The following BMS1 variants were observed in gnomAD, a reference collection of about 807,000 sequenced individuals.
The protein encoded by BMS1 is BMS1 ribosome biogenesis factor.
BMS1 carries 53 observed loss-of-function variants against 138.7 expected under a neutral mutation model. The observed-to-expected ratio is 0.38, with a 90% CI of 0.31 to 0.48. The LOEUF is 0.48. Among genes scored for constraint, BMS1 ranks in the 20% least tolerant of loss-of-function variants. The probability of loss-of-function intolerance (pLI) is 0.97; values close to 1 mark genes in which losing one functional copy is unlikely to be tolerated. For missense variants in BMS1, 1,360 were observed against 1,565.5 expected, an observed-to-expected ratio of 0.87 and a Z score of 2.22; for synonymous variants, 504 against 539.9, an observed-to-expected ratio of 0.93 and a Z score of 0.92.
chr10:42,792,656 T>G (rs929602447), intron 7 of BMS1, 42 bp downstream of exon 7: 2 of 1,574,932 alleles, frequency 1.3e-6, no homozygotes, highest in African/African-American at 2.7e-5. Flanking sequence ...ACACATAGGA[T>G]TCTTGGGATG....
In BMS1 at chr10:42,820,485, A is replaced by T. The variant is rs569866338; in HGVS notation, c.2770-23A>T. 5 of 1,611,478 alleles carry T rather than the reference A, an allele frequency of 3.1e-6. No individual in the cohort carries two copies. The Admixed American group carries it at 5.0e-5, about 16-fold the overall frequency. On this transcript the variant is annotated intron_variant, in intron 16 of 22. Coordinates refer to ENST00000374518, the MANE Select transcript of BMS1 (RefSeq NM_014753.4). ...TCTGTGGATTTCCCCTCCATCAATC[A>T]TCTTACCCTCTCGTCCCCTCAGATG...
rs991063444 is a variant in BMS1, at chr10:42,832,398, C to G, written c.*1302C>G. ...CATGATAGCACCACTGCACTCCAGC[C>G]TGGGCGACAGGGCAAGACCCTGTTT... On this transcript the variant is annotated 3_prime_UTR_variant, in exon 23 of 23. Transcript: ENST00000374518. 2 of 144,942 alleles carry G rather than the reference C, an allele frequency of 1.4e-5. No homozygotes were observed. 9.0% of individuals were successfully genotyped at this position (144,942 alleles called of 1,614,324 possible).
intron 12 of BMS1, among the ~76,000 whole-genome samples, chr10:42,801,317 A>G (rs148151105): frequency 1.3e-5 from 2 of 152,356 alleles, no homozygotes. Flanking sequence ...AGAGAATCAC[A>G]TAATTACTCA....
chr10:42,814,809 G>A (rs978216510), intron 13 of BMS1, among the ~76,000 whole-genome samples: 16 of 152,194 alleles, frequency 1.1e-4, no homozygotes, highest in African/African-American at 3.9e-4. Context: ...GCAGCTAGGT[G>A]GGTGGGGAGT....
intron 19 of BMS1, among the ~76,000 whole-genome samples, chr10:42,822,686 C>T (rs1483671893): frequency 1.3e-5 from 2 of 152,172 alleles, no homozygotes; most frequent in African/African-American, 2.4e-5. Context: ...ATTGAAAACA[C>T]AGAGTTAGAA....
At chr10:42,813,741 A>T (rs967548038) in intron 13 of BMS1, among the ~76,000 whole-genome samples, 2 of 151,710 alleles carry the variant, frequency 1.3e-5, no homozygotes, top group African/African-American at 4.8e-5. Flanking sequence ...TTTTGTTTTA[A>T]TTTTTTGTAT....
In BMS1 at chr10:42,786,104, C is replaced by G. The variant is rs191186507; in HGVS notation, c.367+432C>G. Reference sequence around the variant, plus strand: ...TTCACTATGTCTTATCCTGACTGCTCTTTGGCTTTGCCAAACATGTTCCTT... The same window carrying G: ...TTCACTATGTCTTATCCTGACTGCTGTTTGGCTTTGCCAAACATGTTCCTT... On this transcript the variant is annotated intron_variant, in intron 3 of 22. Coordinates refer to ENST00000374518, the MANE Select transcript of BMS1 (RefSeq NM_014753.4). Among the ~76,000 whole-genome samples the G allele has an allele frequency of 2.6e-5, 4 of 152,338 alleles. No homozygotes were observed. In the East Asian group the frequency reaches 5.8e-4, roughly 22 times the overall value.
In BMS1 at chr10:42,791,710, A is replaced by G. The variant is rs758246205; in HGVS notation, c.720A>G (p.Thr240=). 17 of 1,613,742 alleles carry G rather than the reference A, an allele frequency of 1.1e-5. No homozygotes were observed. The highest frequency in any genetic ancestry group is 1.4e-5 in the Non-Finnish European group (16 of 1,179,816). The part of the protein sequence containing the change: ...QEIHNLGRFI[T]VMKFRPLTWQ... ...TCCACAATCTGGGCCGTTTTATTAC[A>G]GTTATGAAGTTTAGGCCTCTCACAT... The change falls in exon 6 of 23, where the codon ACA becomes ACG. Residue 240 remains threonine, a synonymous_variant. Coordinates refer to ENST00000374518, the MANE Select transcript of BMS1 (RefSeq NM_014753.4).
chr10:42,791,856 T>C, intron 6 of BMS1, 87 bp downstream of exon 6: 4 of 1,464,122 alleles, frequency 2.7e-6, no homozygotes, highest in Middle Eastern at 2.1e-4. Flanking sequence ...AGGATTTATT[T>C]TGTGCCGATT....
Position 42,793,040 on chromosome 10 carries a change from A to C in BMS1, c.985A>C (p.Asn329His). 6.2e-7 allele frequency: 1 copy of C among 1,614,032 alleles called. No homozygotes were observed. The highest frequency in any genetic ancestry group is 8.5e-7 in the Non-Finnish European group (1 of 1,179,980). ...LPEQQKKRCL[N>H]EKEKLVYAPL... ...TGAACAACAAAAGAAGCGCTGTTTA[A>C]ATGAGAAGGAGAAGCTGGTTTATGC... Residue 329 changes from asparagine to histidine, a missense_variant, in exon 8 of 23, where the codon AAT becomes CAT. By Grantham distance (68) the Asn-to-His change is moderately conservative. Coordinates refer to ENST00000374518, the MANE Select transcript of BMS1 (RefSeq NM_014753.4).
chr10:42,820,307 G>A lies in BMS1; in HGVS notation c.2652G>A (p.Met884Ile). The part of the protein sequence containing the change: ...RVQYEGFRPG[M>I]YVRIEIENVP... ...AGTATGAGGGTTTTCGACCTGGGAT[G>A]TACGTCCGCATTGAGATTGAAAATG... The change falls in exon 16 of 23, where the codon ATG becomes ATA. Residue 884 changes from methionine (M) to isoleucine (I), a missense_variant. Physicochemically the swap from Met to Ile is conservative, Grantham distance 10. Around this residue, in one of 3 missense-constraint regions of BMS1, gnomAD observed 425 missense variants for 568.3 expected, o/e 0.75. Transcript: ENST00000374518. The A allele has an allele frequency of 6.2e-7, 1 of 1,613,760 alleles. No homozygotes were observed. Among genetic ancestry groups the A allele is most frequent in the East Asian group, 2.2e-5 (1 of 44,890 alleles).
In BMS1 at chr10:42,796,671, A is replaced by G; in HGVS notation, c.1427A>G (p.Gln476Arg). Residue 476 changes from glutamine (Q) to arginine (R), a missense_variant, in exon 10 of 23, where the codon CAG (glutamine) becomes CGG (arginine). Coordinates refer to ENST00000374518, the MANE Select transcript of BMS1 (RefSeq NM_014753.4). ...GAGGAAAATGCTGAGATGACTGATCAGTATATGGCTGTTAAGGGCATCAAA... is the reference window on the plus strand; with the variant it reads ...GAGGAAAATGCTGAGATGACTGATCGGTATATGGCTGTTAAGGGCATCAAA... ...EEEENAEMTD[Q>R]YMAVKGIKRR... is the part of the protein sequence containing the mutation. 6.2e-7 allele frequency: 1 copy of G among 1,614,220 alleles called. No homozygotes were observed. The highest frequency in any genetic ancestry group is 8.5e-7 in the Non-Finnish European group (1 of 1,180,032).
intron 8 of BMS1, 79 bp downstream of exon 8, chr10:42,793,223 T>C: frequency 7.1e-7 from 1 of 1,403,586 alleles, no homozygotes; most frequent in Non-Finnish European, 9.5e-7. Flanking sequence ...AAAAGTAATG[T>C]ACTCAGCTTT....
intron 21 of BMS1, among the ~76,000 whole-genome samples, chr10:42,826,010 A>G (rs1032453219): frequency 6.6e-6 from 1 of 152,210 alleles, no homozygotes; most frequent in African/African-American, 2.4e-5. Flanking sequence ...CTTTTTCTGC[A>G]TCAATTGAGG....
chr10:42,828,315 A>T (rs1452988143), intron 21 of BMS1, among the ~76,000 whole-genome samples: 1 of 152,254 alleles, frequency 6.6e-6, no homozygotes, highest in East Asian at 1.9e-4. Context: ...GTTGAGTTCC[A>T]GTATATGACT....
intron 16 of BMS1, 34 bp downstream of exon 16, chr10:42,820,458 G>C (rs559544985): frequency 1.2e-6 from 2 of 1,611,736 alleles, no homozygotes; most frequent in Non-Finnish European, 1.7e-6. Context: ...GGTGCCTGAG[G>C]CTCTGTGGAT....
chr10:42,811,768 C>T (rs959842959), intron 13 of BMS1, among the ~76,000 whole-genome samples: 3 of 151,802 alleles, frequency 2.0e-5, no homozygotes, highest in African/African-American at 7.3e-5. Flanking sequence ...TCGTGATCCG[C>T]CCGCCTCGGC....
chr10:42,791,392 C>T (rs558210148), intron 5 of BMS1, among the ~76,000 whole-genome samples: 1 of 152,172 alleles, frequency 6.6e-6, no homozygotes, highest in East Asian at 1.9e-4. Context: ...GACGCCTCAC[C>T]TCCCTCTCCT....
intron 7 of BMS1, 39 bp downstream of exon 7, chr10:42,792,653 G>C (rs747432370): frequency 2.5e-6 from 4 of 1,574,042 alleles, no homozygotes; most frequent in Non-Finnish European, 3.4e-6. Flanking sequence ...ATTACACATA[G>C]GATTCTTGGG....
Sources: allele counts gnomAD v4.1 joint callset (sites outside exome capture counted in the v4.1 genomes callset), GRCh38; gene constraint gnomAD v4.1.1; regional missense constraint gnomAD v4.1.1; transcripts MANE v1.5; gene names NCBI Gene and HGNC (gene_info 2026-07-23, HGNC 2026-07-21).